Variants in KCND3 observed in about 807,000 individuals in gnomAD.
The protein encoded by KCND3 is A-type voltage-gated potassium channel KCND3.
In KCND3, 9 loss-of-function variants were observed where a neutral mutation model predicts 51.1. The ratio of observed to expected loss-of-function variants is 0.18; its 90% CI spans 0.11 to 0.31. The LOEUF (loss-of-function observed/expected upper bound fraction) is 0.31, where lower values mean the gene tolerates loss of function less well. Ranked by LOEUF, KCND3 falls within the 10% of genes least tolerant of loss-of-function variation. The pLI is 1.00. For missense variants in KCND3, 526 were observed against 903.8 expected (o/e 0.58, Z 5.36); for synonymous variants, 349 against 368.0 (o/e 0.95, Z 0.59).
intron 2 of KCND3, among the ~76,000 whole-genome samples, chr1:111,838,392 A>G (rs1208085378): frequency 6.6e-6 from 1 of 152,204 alleles, no homozygotes; most frequent in Admixed American, 6.5e-5. Context: ...CTTATAAAAA[A>G]CACAACAGAC....
At chr1:111,777,828 T>C (rs1419895013) in intron 6 of KCND3, among the ~76,000 whole-genome samples, 3 of 152,216 alleles carry the variant, frequency 2.0e-5, no homozygotes, top group Non-Finnish European at 2.9e-5. Flanking sequence ...TAATTATTTT[T>C]TTCCCCACCT....
chr1:111,838,565 G>A (rs1350073850), intron 2 of KCND3, among the ~76,000 whole-genome samples: 1 of 152,108 alleles, frequency 6.6e-6, no homozygotes, highest in African/African-American at 2.4e-5. Context: ...GCTGAGGCAG[G>A]AGAATGGCTT....
At chr1:111,965,350 C>T (rs1673908590) in intron 2 of KCND3, among the ~76,000 whole-genome samples, 1 of 151,538 alleles carries the variant, frequency 6.6e-6, no homozygotes, top group Admixed American at 6.6e-5. Context: ...AGGAAGAGGG[C>T]AGGATCCTAA....
intron 2 of KCND3, among the ~76,000 whole-genome samples, chr1:111,926,362 T>C (rs1256428377): frequency 6.6e-6 from 1 of 152,152 alleles, no homozygotes; most frequent in Non-Finnish European, 1.5e-5. Flanking sequence ...ATGATATCAT[T>C]TGAACTCCAT....
chr1:111,775,133 C>T lies in KCND3; in HGVS notation c.*944G>A, dbSNP rs1664056786. The stretch of plus-strand genomic sequence containing the variant: ...TACCCCTAAACTCTCCCAATTTTTG[C>T]TTCACTCTTTCCTCCTCTGCAGTTG... On this transcript the variant is annotated 3_prime_UTR_variant, in exon 8 of 8. Transcript: ENST00000302127. 6.6e-6 allele frequency: 1 copy of T among 152,250 alleles called. No individual in the cohort carries two copies. The highest frequency in any genetic ancestry group is 2.1e-4 in the South Asian group (1 of 4,822). 9.4% of individuals were successfully genotyped at this position (152,250 alleles called of 1,614,324 possible). A position where few individuals can be genotyped will look rare whatever the true frequency, so the allele number is the denominator to read the frequency against.
chr1:111,930,162 T>C lies in KCND3; in HGVS notation c.1106+51459A>G, dbSNP rs377271054. Reference sequence around the variant, plus strand: ...CAATTCACTGTTTTCGGTTTTTGTTTTTTTTTTTTCTAAGCAGTAAGTTGT... The same window carrying C: ...CAATTCACTGTTTTCGGTTTTTGTTCTTTTTTTTTCTAAGCAGTAAGTTGT... On this transcript the variant is annotated intron_variant, in intron 2 of 7. Coordinates refer to ENST00000302127, the MANE Select transcript of KCND3 (RefSeq NM_001378969.1). 3.3e-5 allele frequency among the ~76,000 whole-genome samples: 5 copies of C among 152,166 alleles called. No individual in the cohort carries two copies. The East Asian group carries it at 5.8e-4, about 18-fold the overall frequency.
intron 2 of KCND3, among the ~76,000 whole-genome samples, chr1:111,956,357 G>A (rs1052098841): frequency 6.6e-6 from 1 of 152,216 alleles, no homozygotes. Context: ...TCCGGAGCCC[G>A]AGGGGGCAAG....
chr1:111,798,204 A>ATTGT (rs1320352966), intron 2 of KCND3, among the ~76,000 whole-genome samples: 79 of 152,194 alleles, frequency 5.2e-4, no homozygotes, highest in South Asian at 1.0e-3. Flanking sequence ...TGCTTCTGCC[A>ATTGT]CACTGTATGC....
intron 2 of KCND3, among the ~76,000 whole-genome samples, chr1:111,788,762 G>GA (rs1271836138): frequency 5.9e-5 from 9 of 152,218 alleles, no homozygotes; most frequent in South Asian, 2.1e-4. Context: ...GTGGGTTCAA[G>GA]ACTCACCCTG....
chr1:111,815,769 T>C (rs1432703140), intron 2 of KCND3, among the ~76,000 whole-genome samples: 2 of 152,068 alleles, frequency 1.3e-5, no homozygotes, highest in Non-Finnish European at 1.5e-5. Context: ...GCTTTAGCTA[T>C]TATCTAGTTG....
chr1:111,842,334 A>G (rs1667361877), intron 2 of KCND3, among the ~76,000 whole-genome samples: 1 of 152,124 alleles, frequency 6.6e-6, no homozygotes, highest in Admixed American at 6.5e-5. Context: ...TAATTCAGTC[A>G]TTCCATTTTA....
chr1:111,846,685 G>A (rs11102345), intron 2 of KCND3, among the ~76,000 whole-genome samples: 25,451 of 152,148 alleles, frequency 0.17, 2,685 homozygotes, highest in East Asian at 0.5. Flanking sequence ...AGCATCTACT[G>A]AGCATTCACA....
At position 111,928,398 on chromosome 1, in the gene KCND3, C is replaced by CA. The variant is rs112323114; in HGVS notation, c.1106+53222dup. On this transcript the variant is annotated intron_variant, in intron 2 of 7. Coordinates refer to ENST00000302127, the MANE Select transcript of KCND3 (RefSeq NM_001378969.1). ...CTCCAAGTCCCTTCTTACCTTCCCA[C>CA]AAAAAACGCAGATCATGGCCCATGC... Among the ~76,000 whole-genome samples, 4 of 152,212 alleles carry CA rather than the reference C, an allele frequency of 2.6e-5. No individual in the cohort carries two copies. In the East Asian group the frequency reaches 5.8e-4, roughly 22 times the overall value.
In KCND3 at chr1:111,787,083, G is replaced by A. The variant is rs1571636501; in HGVS notation, c.1130C>T (p.Thr377Met). 6.2e-7 allele frequency: 1 copy of A among 1,614,146 alleles called. No homozygotes were observed. Residue 377 changes from threonine to methionine, a missense_variant, in exon 3 of 8, where the codon ACG (threonine) becomes ATG (methionine). Thr to Met is a moderately conservative substitution (Grantham distance 81, BLOSUM62 -1). Transcript: ENST00000302127. ...TLGYGDMVPKTIAGKIFGSIC... is the reference protein window; with the variant it reads ...TLGYGDMVPKMIAGKIFGSIC... Reference sequence around the variant, plus strand: ...GGAGCCGAAGATCTTCCCTGCAATCGTCTTAGGCACCATGTCTCCGTATCT... The same window carrying A: ...GGAGCCGAAGATCTTCCCTGCAATCATCTTAGGCACCATGTCTCCGTATCT...
intron 2 of KCND3, among the ~76,000 whole-genome samples, chr1:111,903,201 A>C (rs997220110): frequency 7.2e-5 from 11 of 152,128 alleles, no homozygotes; most frequent in Non-Finnish European, 1.6e-4. Flanking sequence ...GACCAGAGGG[A>C]GCAGAAGGAA....
At chr1:111,985,752 C>T (rs1307945316) in intron 1 of KCND3, among the ~76,000 whole-genome samples, 2 of 152,220 alleles carry the variant, frequency 1.3e-5, no homozygotes, top group African/African-American at 4.8e-5. Flanking sequence ...GCCTCAGTTT[C>T]CCCATCTGCA....
chr1:111,840,454 C>G (rs1468947991), intron 2 of KCND3, among the ~76,000 whole-genome samples: 2 of 151,844 alleles, frequency 1.3e-5, no homozygotes, highest in Non-Finnish European at 2.9e-5. Context: ...AGTCTCCAAC[C>G]CCCTCTAAAA....
At chr1:111,815,421 T>A (rs980670607) in intron 2 of KCND3, among the ~76,000 whole-genome samples, 2 of 151,738 alleles carry the variant, frequency 1.3e-5, no homozygotes, top group African/African-American at 4.8e-5. Flanking sequence ...TGGTTGGACT[T>A]CCATGTCTGT....
At chr1:111,956,449 T>C (rs1673347366) in intron 2 of KCND3, among the ~76,000 whole-genome samples, 1 of 152,106 alleles carries the variant, frequency 6.6e-6, no homozygotes, top group South Asian at 2.1e-4. Context: ...CTCCTTTTGA[T>C]CATAATTAAG....
Sources: gnomAD v4.1 joint callset for allele counts (sites outside exome capture counted in the v4.1 genomes callset) on GRCh38, gnomAD v4.1.1 for gene constraint, MANE v1.5 for transcripts, NCBI Gene and HGNC (gene_info 2026-07-23, HGNC 2026-07-21) for gene names.